The following SH3KBP1 variants were observed in gnomAD, a reference collection of about 807,000 sequenced individuals.
The protein encoded by SH3KBP1 is SH3 domain containing kinase binding protein 1, also known as SH3 domain-containing kinase-binding protein 1.
Under a neutral mutation model 50.1 loss-of-function variants are expected in SH3KBP1, and 8 were observed. The ratio of observed to expected loss-of-function variants is 0.16; its 90% CI spans 0.09 to 0.29. The LOEUF (loss-of-function observed/expected upper bound fraction) is 0.29. Among genes scored for constraint, SH3KBP1 ranks in the 10% least tolerant of loss-of-function variants. The pLI is 1.00. For synonymous variants in SH3KBP1, 227 were observed against 218.6 expected (o/e 1.04, Z -0.34); for missense variants, 377 against 535.2 (o/e 0.70, Z 2.92).
chrX:19,748,814 T>A (rs2064992200), intron 2 of SH3KBP1, among the ~76,000 whole-genome samples: 1 of 110,645 alleles, frequency 9.0e-6, no homozygotes, highest in South Asian at 3.8e-4. Context: ...CCTGTCTTCT[T>A]TGGTACCCCA....
chrX:19,700,357 T>A (rs1053009527), intron 4 of SH3KBP1, among the ~76,000 whole-genome samples: 2 of 112,597 alleles, frequency 1.8e-5, no homozygotes, highest in African/African-American at 6.4e-5. Flanking sequence ...AAAGCTTTTT[T>A]AAAATTGAAG....
In SH3KBP1 at chrX:19,536,379, C is replaced by T. The variant is rs1248019742; in HGVS notation, c.*38G>A. The T allele has an allele frequency of 1.1e-5, 11 of 1,005,874 alleles. No homozygotes were observed. Among genetic ancestry groups the T allele is most frequent in the Non-Finnish European group, 1.2e-5 (9 of 728,182 alleles). The allele number at this position is 1,005,874 out of a possible 1,213,427, so 82.9% of individuals were successfully genotyped here. ...TGGGGCAGAAAATTTGAGTCTCGGA[C>T]TCAGGATGAATAATGTGACATTTCA... On this transcript the variant is annotated 3_prime_UTR_variant, in exon 18 of 18. Coordinates refer to ENST00000397821, the MANE Select transcript of SH3KBP1 (RefSeq NM_031892.3).
At chrX:19,881,913 G>A (rs2069445554) in intron 1 of SH3KBP1, among the ~76,000 whole-genome samples, 1 of 111,496 alleles carries the variant, frequency 9.0e-6, no homozygotes, top group Non-Finnish European at 1.9e-5. Flanking sequence ...CATGTACTTC[G>A]TGATTGGAGA....
intron 13 of SH3KBP1, among the ~76,000 whole-genome samples, chrX:19,555,528 T>C (rs943322710): frequency 9.4e-4 from 106 of 112,296 alleles, no homozygotes; most frequent in Non-Finnish European, 1.7e-3. Context: ...TGGGAGCTCC[T>C]AAATTGTTCT....
At chrX:19,766,061 T>C (rs756608255) in intron 2 of SH3KBP1, among the ~76,000 whole-genome samples, 6 of 112,236 alleles carry the variant, frequency 5.3e-5, no homozygotes, top group Non-Finnish European at 1.1e-4. Flanking sequence ...ATGGTAATTC[T>C]ATTTTTAATT....
chrX:19,542,102 G>T lies in SH3KBP1; in HGVS notation c.1715C>A (p.Ser572Tyr). 7 of 1,211,297 alleles carry T rather than the reference G, an allele frequency of 5.8e-6. No homozygotes were observed. Among genetic ancestry groups the T allele is most frequent in the South Asian group, 3.5e-5 (2 of 56,861 alleles). Residue 572 changes from serine to tyrosine, a missense_variant, in exon 16 of 18, where the codon TCC becomes TAC. Coordinates refer to ENST00000397821, the MANE Select transcript of SH3KBP1 (RefSeq NM_031892.3). ...TGTTCCCAAAGAGGATGACAGGGGG[G>T]AGGGCGCCGCTGAGGACAGAGGGGC... ...GPAPLSSAAP[S>Y]PLSSSLGTAG...
intron 2 of SH3KBP1, among the ~76,000 whole-genome samples, chrX:19,776,532 G>GTTTTTGTTTTTTTTT (rs1175802634): frequency 7.8e-5 from 2 of 25,683 alleles, no homozygotes; most frequent in Non-Finnish European, 6.4e-5. Context: ...TGACAACCTG[G>GTTTTTGTTTTTTTTT]TTTTTTTTTT....
At chrX:19,640,297 G>A (rs764426687) in intron 7 of SH3KBP1, among the ~76,000 whole-genome samples, 3 of 111,089 alleles carry the variant, frequency 2.7e-5, no homozygotes, top group Non-Finnish European at 3.8e-5. Context: ...CTCATGTAAC[G>A]GGTTTCTGGA....
In SH3KBP1 at chrX:19,887,367, T is replaced by C; in HGVS notation, c.-57A>G. 1.1e-6 allele frequency: 1 copy of C among 919,721 alleles called. No homozygotes were observed. The highest frequency in any genetic ancestry group is 1.4e-6 in the Non-Finnish European group (1 of 737,859). 75.8% of individuals were successfully genotyped at this position (919,721 alleles called of 1,213,427 possible). ...GCGTGAAAGTTGGCGGAGGCGGGCG[T>C]GGGGGTTGGGGCGCCGGGATCGGGG... On this transcript the variant is annotated 5_prime_UTR_variant, in exon 1 of 18. Coordinates refer to ENST00000397821, the MANE Select transcript of SH3KBP1 (RefSeq NM_031892.3).
intron 3 of SH3KBP1, among the ~76,000 whole-genome samples, chrX:19,734,264 T>A (rs1403477058): frequency 8.9e-6 from 1 of 111,976 alleles, no homozygotes; most frequent in Admixed American, 9.5e-5. Context: ...TCAAATCGAT[T>A]ATCTAATATT....
intron 2 of SH3KBP1, among the ~76,000 whole-genome samples, chrX:19,758,657 C>A (rs1356420889): frequency 9.0e-6 from 1 of 111,622 alleles, no homozygotes; most frequent in Non-Finnish European, 1.9e-5. Flanking sequence ...GTACCCCCAA[C>A]ACAGGAACTG....
chrX:19,670,332 A>T (rs1036970809), intron 6 of SH3KBP1: 22 of 751,628 alleles, frequency 2.9e-5, no homozygotes, highest in Non-Finnish European at 3.4e-5. Context: ...ACTCACAAAG[A>T]AAACTCCAAA....
intron 2 of SH3KBP1, among the ~76,000 whole-genome samples, chrX:19,797,542 C>T (rs1203449843): frequency 9.0e-6 from 1 of 111,503 alleles, no homozygotes; most frequent in Middle Eastern, 4.6e-3. Flanking sequence ...AGAAAAGTAC[C>T]GAAGGTTGGC....
chrX:19,633,511 T>C (rs1214699279), intron 7 of SH3KBP1, among the ~76,000 whole-genome samples: 1 of 112,397 alleles, frequency 8.9e-6, no homozygotes, highest in African/African-American at 3.2e-5. Context: ...CATGTTTAAA[T>C]TGGATAATGA....
chrX:19,576,379 C>A (rs1303569773), intron 12 of SH3KBP1, among the ~76,000 whole-genome samples: 1 of 111,152 alleles, frequency 9.0e-6, no homozygotes, highest in African/African-American at 3.3e-5. Flanking sequence ...AAAGAAACAA[C>A]AGCAACAGCT....
intron 4 of SH3KBP1, among the ~76,000 whole-genome samples, chrX:19,702,870 T>C (rs1308002748): frequency 8.9e-6 from 1 of 112,480 alleles, no homozygotes; most frequent in Non-Finnish European, 1.9e-5. Context: ...GTATTCACAA[T>C]GATTTCTTTA....
At chrX:19,822,405 T>C (rs1396573380) in intron 2 of SH3KBP1, among the ~76,000 whole-genome samples, 1 of 112,361 alleles carries the variant, frequency 8.9e-6, no homozygotes, top group Non-Finnish European at 1.9e-5. Context: ...TTCATTGATC[T>C]ATTTTCAAGT....
chrX:19,613,220 A>T lies in SH3KBP1; in HGVS notation c.898-5175T>A, dbSNP rs753256790. On this transcript the variant is annotated intron_variant, in intron 8 of 17. Transcript: ENST00000397821. ...AGAGAGGTAACGTGGCCCAAGTACT[A>T]CAATTTGTTTCCAAATCTGGGGCGC... 1.5e-3 allele frequency among the ~76,000 whole-genome samples: 168 copies of T among 112,425 alleles called. 1 individual carries two copies. Among genetic ancestry groups the T allele is most frequent in the Admixed American group, 4.1e-3 (44 of 10,642 alleles).
At chrX:19,719,151 T>C (rs2063990560) in intron 3 of SH3KBP1, among the ~76,000 whole-genome samples, 1 of 111,844 alleles carries the variant, frequency 8.9e-6, no homozygotes, top group African/African-American at 3.3e-5. Context: ...TGAGTGTCGG[T>C]TGCTGTCTGT....
Sources: allele counts gnomAD v4.1 joint callset (sites outside exome capture counted in the v4.1 genomes callset), GRCh38; gene constraint gnomAD v4.1.1; transcripts MANE v1.5; gene names NCBI Gene and HGNC (gene_info 2026-07-23, HGNC 2026-07-21).